SGCZ: variants seen among roughly 807,000 people sequenced by gnomAD.
SGCZ encodes the protein sarcoglycan zeta.
SGCZ carries 40 observed loss-of-function variants against 41.3 expected under a neutral mutation model. The ratio of observed to expected loss-of-function variants is 0.97; its 90% CI spans 0.75 to 1.26. The LOEUF (loss-of-function observed/expected upper bound fraction) is 1.26, where lower values mean the gene tolerates loss of function less well. Ranked by LOEUF, SGCZ falls within the 50% of genes most tolerant of loss-of-function variation. The pLI is 0.00. For missense variants in SGCZ, 552 were observed against 369.8 expected (o/e 1.49, Z -4.04); for synonymous variants, 206 against 137.5 (o/e 1.50, Z -3.49).
In SGCZ at chr8:15,041,584, T is replaced by C. The variant is rs188169387; in HGVS notation, c.39+196001A>G. Among the ~76,000 whole-genome samples, 175 of 152,174 alleles carry C rather than the reference T, an allele frequency of 1.1e-3. 1 individual carries two copies. The highest frequency in any genetic ancestry group is 6.8e-3 in the Middle Eastern group (2 of 294). ...AACAATCATGAGAAGTATTTCCTAG[T>C]CAGATTCAGAGTATTTGTTGCAGAG... On this transcript the variant is annotated intron_variant, in intron 1 of 7. Transcript: ENST00000382080.
chr8:14,582,869 T>C lies in SGCZ; in HGVS notation c.40-27943A>G, dbSNP rs546757343. Among the ~76,000 whole-genome samples, 6 of 151,722 alleles carry C rather than the reference T, an allele frequency of 4.0e-5. No homozygotes were observed. The South Asian group carries it at 1.3e-3, about 32-fold the overall frequency. On this transcript the variant is annotated intron_variant, in intron 1 of 7. Coordinates refer to ENST00000382080, the MANE Select transcript of SGCZ (RefSeq NM_139167.4). ...TTTTTTGTGGCTGCATAGTATTCCA[T>C]GGTGTATATGTGCCACATTTTCTTA...
chr8:15,022,872 C>T (rs1449603852), intron 1 of SGCZ, among the ~76,000 whole-genome samples: 4 of 152,140 alleles, frequency 2.6e-5, no homozygotes, highest in Non-Finnish European at 5.9e-5. Context: ...TAGATAAAGA[C>T]GTTAAGGTTT....
chr8:14,473,075 G>A (rs1367259154), intron 2 of SGCZ, among the ~76,000 whole-genome samples: 2 of 152,022 alleles, frequency 1.3e-5, no homozygotes, highest in African/African-American at 2.4e-5. Context: ...TAGGAGAAAT[G>A]CTCAGTTAAA....
chr8:14,483,847 G>T (rs190574720), intron 2 of SGCZ, among the ~76,000 whole-genome samples: 10 of 152,140 alleles, frequency 6.6e-5, no homozygotes, highest in Non-Finnish European at 1.5e-4. Flanking sequence ...CTGAAAATAA[G>T]GTTGTTTTGA....
chr8:14,739,330 T>A (rs1474239319), intron 1 of SGCZ, among the ~76,000 whole-genome samples: 1 of 152,060 alleles, frequency 6.6e-6, no homozygotes, highest in African/African-American at 2.4e-5. Flanking sequence ...CATTAAATAA[T>A]TCACTGCATT....
At chr8:15,069,179 TG>T (rs1181355894) in intron 1 of SGCZ, among the ~76,000 whole-genome samples, 1 of 152,160 alleles carries the variant, frequency 6.6e-6, no homozygotes, top group Admixed American at 6.5e-5. Flanking sequence ...GAGGTTTTTT[TG>T]GGGTTTTGTT....
intron 3 of SGCZ, among the ~76,000 whole-genome samples, chr8:14,238,944 G>T (rs1324695241): frequency 1.3e-5 from 2 of 151,366 alleles, no homozygotes; most frequent in African/African-American, 2.4e-5. Context: ...TTAGGATTTG[G>T]AATTGGTGAT....
intron 2 of SGCZ, among the ~76,000 whole-genome samples, chr8:14,470,407 G>A (rs1230747624): frequency 6.6e-6 from 1 of 151,956 alleles, no homozygotes; most frequent in African/African-American, 2.4e-5. Flanking sequence ...TCTCTATGAG[G>A]TAGATGCTAT....
At chr8:14,912,046 A>T (rs1030460225) in intron 1 of SGCZ, among the ~76,000 whole-genome samples, 1 of 151,164 alleles carries the variant, frequency 6.6e-6, no homozygotes, top group Non-Finnish European at 1.5e-5. Context: ...GACGCTATGT[A>T]AGCTATTTGC....
At chr8:15,013,864 A>C (rs964828362) in intron 1 of SGCZ, among the ~76,000 whole-genome samples, 36 of 152,330 alleles carry the variant, frequency 2.4e-4, no homozygotes, top group African/African-American at 8.4e-4. Context: ...GGAAGCATAG[A>C]GACAAAGCAG....
intron 3 of SGCZ, among the ~76,000 whole-genome samples, chr8:14,295,117 T>C (rs1458746168): frequency 6.6e-6 from 1 of 152,194 alleles, no homozygotes; most frequent in East Asian, 1.9e-4. Flanking sequence ...CTTATGTCCA[T>C]ACAAAAGCTT....
At chr8:14,368,529 C>A (rs977923223) in intron 2 of SGCZ, among the ~76,000 whole-genome samples, 1 of 151,982 alleles carries the variant, frequency 6.6e-6, no homozygotes, top group African/African-American at 2.4e-5. Context: ...CCATATGAGA[C>A]ATTTTATTTC....
intron 2 of SGCZ, among the ~76,000 whole-genome samples, chr8:14,497,889 C>A (rs1401424297): frequency 6.6e-6 from 1 of 152,102 alleles, no homozygotes; most frequent in African/African-American, 2.4e-5. Flanking sequence ...TTAAATGGGT[C>A]CTGCCATATT....
intron 2 of SGCZ, among the ~76,000 whole-genome samples, chr8:14,447,641 T>C (rs1253533335): frequency 6.6e-6 from 1 of 152,176 alleles, no homozygotes; most frequent in African/African-American, 2.4e-5. Context: ...ATTAATTATT[T>C]ACTTGCATGA....
At chr8:14,752,453 ATTTCAT>A (rs1379203691) in intron 1 of SGCZ, among the ~76,000 whole-genome samples, 4 of 152,154 alleles carry the variant, frequency 2.6e-5, no homozygotes. Context: ...AATTTACTGC[ATTTCAT>A]TATTCTCTTT....
intron 1 of SGCZ, among the ~76,000 whole-genome samples, chr8:14,940,659 T>C (rs1198451560): frequency 6.7e-6 from 1 of 148,488 alleles, no homozygotes; most frequent in Non-Finnish European, 1.5e-5. Context: ...AGGAGATCTT[T>C]TTAGCAATAC....
chr8:14,743,731 T>A (rs1334105458), intron 1 of SGCZ, among the ~76,000 whole-genome samples: 1 of 152,132 alleles, frequency 6.6e-6, no homozygotes, highest in East Asian at 1.9e-4. Flanking sequence ...AATATTTTTA[T>A]TCTTTTTCCG....
At chr8:14,479,740 TTTTTTTTTTTTTTTTTTTTTTA>T (rs71209048) in intron 2 of SGCZ, among the ~76,000 whole-genome samples, 26,037 of 66,292 alleles carry the variant, frequency 0.39, 2,938 homozygotes, top group Non-Finnish European at 0.47. Context: ...TCTTTTTTTT[TTTTTTTTTTTTTTTTTTTTTTA>T]TTTGAGATGG....
intron 1 of SGCZ, among the ~76,000 whole-genome samples, chr8:14,974,812 C>G (rs17654901): frequency 0.074 from 10,586 of 143,572 alleles, 535 homozygotes; most frequent in African/African-American, 0.14. Flanking sequence ...TTACTTTTGG[C>G]AAATTCAACT....
Sources: gnomAD v4.1 joint callset for allele counts (sites outside exome capture counted in the v4.1 genomes callset) on GRCh38, gnomAD v4.1.1 for gene constraint, MANE v1.5 for transcripts, NCBI Gene and HGNC (gene_info 2026-07-23, HGNC 2026-07-21) for gene names.